The following WWP2 variants were observed in gnomAD, a reference collection of about 807,000 sequenced individuals.
WWP2 encodes the protein WW domain containing E3 ubiquitin protein ligase 2.
A neutral mutation model predicts 121.0 loss-of-function variants in WWP2; 57 were observed. The observed-to-expected ratio is 0.47, with a 90% CI of 0.38 to 0.59. The LOEUF is 0.59. Ranked by LOEUF, WWP2 falls within the 20% of genes least tolerant of loss-of-function variation. WWP2 has a pLI of 0.00. For missense variants in WWP2, 962 were observed against 1,158.9 expected (o/e 0.83, Z 2.47); for synonymous variants, 449 against 441.3 (o/e 1.02, Z -0.22).
At chr16:69,890,543 G>A (rs978457851) in intron 8 of WWP2, among the ~76,000 whole-genome samples, 4 of 152,138 alleles carry the variant, frequency 2.6e-5, no homozygotes, top group African/African-American at 9.7e-5. Flanking sequence ...GTTATAATTT[G>A]GGGGGAACAA....
At chr16:69,772,808 C>G (rs2055444729) in intron 1 of WWP2, among the ~76,000 whole-genome samples, 1 of 151,964 alleles carries the variant, frequency 6.6e-6, no homozygotes, top group Non-Finnish European at 1.5e-5. Context: ...TGCCTCACCA[C>G]CAGTGATTGA....
At chr16:69,786,351 G>A (rs2055789175) in intron 1 of WWP2, among the ~76,000 whole-genome samples, 1 of 150,782 alleles carries the variant, frequency 6.6e-6, no homozygotes, top group Non-Finnish European at 1.5e-5. Context: ...TCATCATCTT[G>A]GCCAGACTGG....
At chr16:69,838,501 G>A (rs7206585) in intron 4 of WWP2, among the ~76,000 whole-genome samples, 58,121 of 151,288 alleles carry the variant, frequency 0.38, 11,382 homozygotes, top group Admixed American at 0.49. Context: ...CATAGTTTCA[G>A]GGGGCTAGAT....
chr16:69,921,900 C>G (rs903451327), intron 10 of WWP2, among the ~76,000 whole-genome samples: 1 of 151,956 alleles, frequency 6.6e-6, no homozygotes, highest in African/African-American at 2.4e-5. Flanking sequence ...ATGGTGAAAC[C>G]CTGTCTCTAC....
intron 2 of WWP2, among the ~76,000 whole-genome samples, chr16:69,794,109 G>T (rs1597676347): frequency 6.6e-6 from 1 of 151,918 alleles, no homozygotes; most frequent in Non-Finnish European, 1.5e-5. Flanking sequence ...GTAGAGACGG[G>T]GTTTCACCAA....
intron 4 of WWP2, among the ~76,000 whole-genome samples, chr16:69,817,598 CTT>C (rs1449114032): frequency 6.9e-6 from 1 of 144,384 alleles, no homozygotes; most frequent in Middle Eastern, 3.4e-3. Context: ...TTTAACCAGT[CTT>C]TCATTCTTGG....
intron 1 of WWP2, among the ~76,000 whole-genome samples, chr16:69,767,098 G>A (rs1308100240): frequency 6.6e-6 from 1 of 150,826 alleles, no homozygotes; most frequent in Non-Finnish European, 1.5e-5. Flanking sequence ...TTCTTAATGA[G>A]GCTACTCTTC....
chr16:69,841,445 G>A (rs2151873156), intron 5 of WWP2, among the ~76,000 whole-genome samples: 1 of 152,228 alleles, frequency 6.6e-6, no homozygotes, highest in Admixed American at 6.5e-5. Flanking sequence ...GGGAACAGAG[G>A]CAGTCAGCGT....
chr16:69,900,057 G>A (rs546588845), intron 8 of WWP2, among the ~76,000 whole-genome samples: 51 of 152,264 alleles, frequency 3.3e-4, no homozygotes, highest in African/African-American at 1.2e-3. Context: ...TGTTTAGGTT[G>A]CTTCCAGTTT....
At chr16:69,835,395 A>G (rs576823547) in intron 4 of WWP2, among the ~76,000 whole-genome samples, 2 of 152,262 alleles carry the variant, frequency 1.3e-5, no homozygotes, top group South Asian at 2.1e-4. Flanking sequence ...CTCTGGCTCA[A>G]TTTTTTTAAA....
At chr16:69,863,004 G>A (rs932069413) in intron 6 of WWP2, among the ~76,000 whole-genome samples, 4 of 152,084 alleles carry the variant, frequency 2.6e-5, no homozygotes, top group African/African-American at 4.8e-5. Flanking sequence ...TGGGATTACA[G>A]GTGTGAGCCG....
intron 4 of WWP2, among the ~76,000 whole-genome samples, chr16:69,826,571 CAAAAA>C (rs762732099): frequency 2.7e-5 from 1 of 37,220 alleles, no homozygotes; most frequent in Non-Finnish European, 5.4e-5. Context: ...GACTCCGTCT[CAAAAA>C]AAAAAAAAAA....
At chr16:69,804,524 C>T (rs911291110) in intron 4 of WWP2, among the ~76,000 whole-genome samples, 1 of 152,170 alleles carries the variant, frequency 6.6e-6, no homozygotes, top group African/African-American at 2.4e-5. Context: ...TGCTTAGGGA[C>T]TTTCCATTGA....
rs1259036078 is a variant in WWP2 at position 69,925,421 on chromosome 16, T to C, written c.1180-9T>C. 2.5e-6 allele frequency: 4 copies of C among 1,613,816 alleles called. No homozygotes were observed. Among genetic ancestry groups the C allele is most frequent in the Non-Finnish European group, 3.4e-6 (4 of 1,179,928 alleles). ...AACCTCTGTGTTCTGCTGTGTTTCTTGTGTTTAGTCTTCGAGTGCTTCGAC... is the reference window on the plus strand; with the variant it reads ...AACCTCTGTGTTCTGCTGTGTTTCTCGTGTTTAGTCTTCGAGTGCTTCGAC... On this transcript the variant is annotated splice_polypyrimidine_tract_variant and intron_variant, in intron 10 of 23. Transcript: ENST00000359154. The surrounding 1 kb of genome is among the most constrained non-coding windows in gnomAD (Gnocchi z 4.0).
In WWP2 at chr16:69,929,470, G is replaced by A; in HGVS notation, c.1257G>A (p.Arg419=). Residue 419 remains arginine (R), a synonymous_variant, in exon 12 of 24, where the codon CGG becomes CGA. Coordinates refer to ENST00000359154, the MANE Select transcript of WWP2 (RefSeq NM_001270454.2). ...PGWEKRQDNG[R]VYYVNHNTRT... is the part of the protein sequence containing the mutation. ...CAGAGAAGAGACAGGACAATGGACG[G>A]GTGTATTACGTGAACCATAACACTC... 3.1e-6 allele frequency: 5 copies of A among 1,614,124 alleles called. No individual in the cohort carries two copies. The highest frequency in any genetic ancestry group is 4.2e-6 in the Non-Finnish European group (5 of 1,179,992).
intron 8 of WWP2, among the ~76,000 whole-genome samples, chr16:69,889,942 T>C (rs1287610191): frequency 3.3e-5 from 5 of 152,150 alleles, no homozygotes; most frequent in Non-Finnish European, 5.9e-5. Context: ...ATTCTATTAT[T>C]AAGCCACTTT....
intron 6 of WWP2, among the ~76,000 whole-genome samples, chr16:69,851,844 G>A (rs367941145): frequency 4.6e-5 from 7 of 152,034 alleles, no homozygotes; most frequent in South Asian, 2.1e-4. Context: ...TTAGCTGGGC[G>A]TGGTAGTGCG....
chr16:69,821,377 G>A (rs2056589629), intron 4 of WWP2, among the ~76,000 whole-genome samples: 1 of 152,200 alleles, frequency 6.6e-6, no homozygotes, highest in Non-Finnish European at 1.5e-5. Context: ...TAAACACGGA[G>A]GCCCTGCAAC....
rs187625464 is a variant in WWP2 at position 69,843,284 on chromosome 16, C to A, written c.575+1164C>A. 3.9e-5 allele frequency among the ~76,000 whole-genome samples: 6 copies of A among 152,022 alleles called. No homozygotes were observed. In the East Asian group the frequency reaches 1.2e-3, roughly 29 times the overall value. On this transcript the variant is annotated intron_variant, in intron 6 of 23. Transcript: ENST00000359154. The stretch of plus-strand genomic sequence containing the variant: ...GAGTCCAAATATTATACTTGTTATA[C>A]GTATTACAAATGACGTAATGTTATT...
Sources: allele counts gnomAD v4.1 joint callset (sites outside exome capture counted in the v4.1 genomes callset), GRCh38; gene constraint gnomAD v4.1.1; non-coding constraint Gnocchi (gnomAD v3.1); transcripts MANE v1.5; gene names NCBI Gene and HGNC (gene_info 2026-07-23, HGNC 2026-07-21).